Variants in PRSS12 observed in about 807,000 individuals in gnomAD.
PRSS12 encodes the protein serine protease 12.
Under a neutral mutation model 104.4 loss-of-function variants are expected in PRSS12, and 85 were observed. That is an observed-to-expected ratio of 0.81 (90% CI 0.68 to 0.98). PRSS12 has a LOEUF of 0.98. Among genes scored for constraint, PRSS12 ranks in the 50% least tolerant of loss-of-function variants. The pLI, the probability that PRSS12 is intolerant of heterozygous loss-of-function variation, is 0.00. For synonymous variants in PRSS12, 454 were observed against 425.2 expected (o/e 1.07, Z -0.83); for missense variants, 1,141 against 1,139.2 (o/e 1.00, Z -0.02).
At chr4:118,288,384 C>T (rs1301538423) in intron 11 of PRSS12, among the ~76,000 whole-genome samples, 1 of 152,188 alleles carries the variant, frequency 6.6e-6, no homozygotes, top group Non-Finnish European at 1.5e-5. Context: ...CTACCATATA[C>T]TATGTCATGA....
chr4:118,316,339 G>A lies in PRSS12; in HGVS notation c.1151-16C>T, dbSNP rs1030562385. On this transcript the variant is annotated splice_polypyrimidine_tract_variant and intron_variant, in intron 5 of 12. Transcript: ENST00000296498. ...ATGACCCCATCTGTGATAAAGAGGA[G>A]ACACAGAGACTAAGCAAATCAACTT... 3.1e-6 allele frequency: 5 copies of A among 1,613,794 alleles called. No individual in the cohort carries two copies. The highest frequency in any genetic ancestry group is 4.2e-6 in the Non-Finnish European group (5 of 1,179,964).
At chr4:118,289,486 C>T (rs1168103724) in intron 11 of PRSS12, among the ~76,000 whole-genome samples, 6 of 152,146 alleles carry the variant, frequency 3.9e-5, no homozygotes, top group Non-Finnish European at 5.9e-5. Flanking sequence ...TTATATTAAA[C>T]TAAGGTATCT....
At chr4:118,339,595 A>G (rs1724148488) in intron 1 of PRSS12, among the ~76,000 whole-genome samples, 1 of 152,230 alleles carries the variant, frequency 6.6e-6, no homozygotes, top group African/African-American at 2.4e-5. Context: ...GTACTGCCAA[A>G]TCCTGACTAT....
At chr4:118,324,312 A>G (rs1371860237) in intron 4 of PRSS12, among the ~76,000 whole-genome samples, 2 of 152,118 alleles carry the variant, frequency 1.3e-5, no homozygotes, top group African/African-American at 4.8e-5. Context: ...TGGTAAAATT[A>G]AACAATAATG....
At chr4:118,324,474 G>A (rs926544059) in intron 4 of PRSS12, among the ~76,000 whole-genome samples, 5 of 152,074 alleles carry the variant, frequency 3.3e-5, no homozygotes, top group Non-Finnish European at 5.9e-5. Context: ...TACTCTGATA[G>A]GCTGAGAAAG....
chr4:118,301,883 A>T (rs1277525297), intron 8 of PRSS12, among the ~76,000 whole-genome samples: 1 of 152,176 alleles, frequency 6.6e-6, no homozygotes, highest in Non-Finnish European at 1.5e-5. Context: ...CAATCATATT[A>T]TTCATATAAA....
intron 8 of PRSS12, chr4:118,306,126 T>A (rs1030864798): frequency 6.6e-6 from 1 of 152,204 alleles, no homozygotes; most frequent in Admixed American, 6.5e-5. Context: ...TTTGAGGAAC[T>A]GTTTTCCATA....
At chr4:118,287,782 T>C (rs1743045738) in intron 11 of PRSS12, among the ~76,000 whole-genome samples, 1 of 152,242 alleles carries the variant, frequency 6.6e-6, no homozygotes, top group Admixed American at 6.5e-5. Flanking sequence ...GTCTTTCTAG[T>C]TGAACTTTTG....
Position 118,308,564 on chromosome 4 carries a change from T to A in PRSS12, c.1503A>T (p.Arg501Ser). 1.2e-6 allele frequency: 2 copies of A among 1,613,954 alleles called. No homozygotes were observed. Among genetic ancestry groups the A allele is most frequent in the South Asian group, 2.2e-5 (2 of 91,076 alleles). ...CTTTCTTATTTTCTCCATCCATCAG[T>A]CTGACAGGAAAACCTAAGTCATGAT... ...GHRLSLGFPV[R>S]LMDGENKKEG... The change falls in exon 8 of 13, where the codon AGA (arginine) becomes AGT (serine). Residue 501 changes from arginine (R) to serine (S), a missense_variant. By Grantham distance (110) the Arg-to-Ser change is moderately radical (BLOSUM62 -1). Coordinates refer to ENST00000296498, the MANE Select transcript of PRSS12 (RefSeq NM_003619.4).
At position 118,324,169 on chromosome 4, in the gene PRSS12, G is replaced by A. The variant is rs188314844; in HGVS notation, c.972-5613C>T. Among the ~76,000 whole-genome samples the A allele has an allele frequency of 7.9e-5, 12 of 152,060 alleles. No homozygotes were observed. In the East Asian group the frequency reaches 2.3e-3, roughly 29 times the overall value. The stretch of plus-strand genomic sequence containing the variant: ...CCCACCTCAGCCTCTCAAAGTGCTA[G>A]GATATTATCACATTTTAGTAAAAGA... On this transcript the variant is annotated intron_variant, in intron 4 of 12. Coordinates refer to ENST00000296498, the MANE Select transcript of PRSS12 (RefSeq NM_003619.4).
At chr4:118,337,704 A>C (rs1275989344) in intron 2 of PRSS12, among the ~76,000 whole-genome samples, 3 of 152,160 alleles carry the variant, frequency 2.0e-5, no homozygotes, top group Non-Finnish European at 4.4e-5. Flanking sequence ...CACAAATGGA[A>C]CTTGTGGGTG....
intron 11 of PRSS12, among the ~76,000 whole-genome samples, chr4:118,291,314 ACAGTAC>A: frequency 6.6e-6 from 1 of 152,200 alleles, no homozygotes; most frequent in South Asian, 2.1e-4. Flanking sequence ...CTTTCTCACC[ACAGTAC>A]TCTAAACACT....
At chr4:118,342,458 A>G (rs1203651249) in intron 1 of PRSS12, among the ~76,000 whole-genome samples, 1 of 152,180 alleles carries the variant, frequency 6.6e-6, no homozygotes, top group Admixed American at 6.5e-5. Context: ...CCAGCGTTGC[A>G]CTGTCTTAAA....
At chr4:118,330,068 A>C (rs1723878765) in intron 4 of PRSS12, among the ~76,000 whole-genome samples, 1 of 152,232 alleles carries the variant, frequency 6.6e-6, no homozygotes, top group Non-Finnish European at 1.5e-5. Context: ...AAACAATGCC[A>C]GTAATCACAG....
At position 118,352,783 on chromosome 4, in the gene PRSS12, G is replaced by A. The variant is rs1724559244; in HGVS notation, c.-63C>T. 1.4e-5 allele frequency: 23 copies of A among 1,596,678 alleles called. No homozygotes were observed. In the South Asian group the frequency reaches 1.9e-4, roughly 13 times the overall value. On this transcript the variant is annotated 5_prime_UTR_variant, in exon 1 of 13. Transcript: ENST00000296498. ...CTTCTCGGGCTTGGAGCGGAGAAGA[G>A]GAGGGGGCGGGGGCGGGGCTGCCGC...
intron 11 of PRSS12, among the ~76,000 whole-genome samples, chr4:118,286,263 A>G (rs1459173706): frequency 6.6e-6 from 1 of 152,178 alleles, no homozygotes; most frequent in Non-Finnish European, 1.5e-5. Context: ...ACACAAATCC[A>G]TCTAAGAACT....
intron 3 of PRSS12, among the ~76,000 whole-genome samples, chr4:118,332,434 C>T (rs542383678): frequency 3.3e-5 from 5 of 152,276 alleles, no homozygotes; most frequent in South Asian, 2.1e-4. Context: ...TATCCGTTTT[C>T]GCTGATAAGG....
intron 11 of PRSS12, 140 bp downstream of exon 11, chr4:118,294,799 C>G: frequency 8.2e-7 from 1 of 1,219,576 alleles, no homozygotes; most frequent in Non-Finnish European, 1.2e-6. Context: ...TTGTCACTCC[C>G]TCATTCCACA....
chr4:118,324,661 T>G (rs1271006559), intron 4 of PRSS12, among the ~76,000 whole-genome samples: 5 of 152,058 alleles, frequency 3.3e-5, no homozygotes, highest in Non-Finnish European at 5.9e-5. Context: ...TATTTTTAAA[T>G]CCTCTCTGAA....
Sources: allele counts gnomAD v4.1 joint callset (sites outside exome capture counted in the v4.1 genomes callset), GRCh38; gene constraint gnomAD v4.1.1; transcripts MANE v1.5; gene names NCBI Gene and HGNC (gene_info 2026-07-23, HGNC 2026-07-21).